The following VPS41 variants were observed in gnomAD, a reference collection of about 807,000 sequenced individuals.
VPS41 encodes VPS41 subunit of HOPS complex.
Under a neutral mutation model 130.9 loss-of-function variants are expected in VPS41, and 85 were observed. That is an observed-to-expected ratio of 0.65 (90% CI 0.55 to 0.78). The LOEUF is 0.78. Among genes scored for constraint, VPS41 ranks in the 30% least tolerant of loss-of-function variants. The pLI is 0.00. For missense variants in VPS41, 874 were observed against 1,018.7 expected (o/e 0.86, Z 1.93); for synonymous variants, 335 against 332.9 (o/e 1.01, Z -0.07).
At chr7:38,871,693 C>T (rs1384583753) in intron 2 of VPS41, among the ~76,000 whole-genome samples, 1 of 152,110 alleles carries the variant, frequency 6.6e-6, no homozygotes, top group Non-Finnish European at 1.5e-5. Context: ...ACAACAGAAG[C>T]CTATTCTAAA....
intron 5 of VPS41, among the ~76,000 whole-genome samples, chr7:38,825,116 G>A (rs754748930): frequency 1.4e-4 from 21 of 152,228 alleles, no homozygotes; most frequent in East Asian, 1.2e-3. Flanking sequence ...TTAAGAATTC[G>A]CCAGAAGCAA....
intron 13 of VPS41, 26 bp from the exon 14 acceptor site, chr7:38,771,280 T>TAA (rs11431870): frequency 0.021 from 26,602 of 1,287,646 alleles, 74 homozygotes; most frequent in African/African-American, 0.049. Context: ...AAGGATGATT[T>TAA]AAAAAAAAAA....
chr7:38,760,265 C>T (rs2214666), intron 17 of VPS41, among the ~76,000 whole-genome samples: 35,541 of 152,034 alleles, frequency 0.23, 4,811 homozygotes, highest in East Asian at 0.43. Context: ...AAAACATCCA[C>T]GTTATTAAAT....
At chr7:38,758,591 A>C in intron 17 of VPS41, 110 bp from the exon 18 acceptor site, 16 of 1,091,452 alleles carry the variant, frequency 1.5e-5, no homozygotes, top group Middle Eastern at 2.3e-4. Context: ...TATAACTCTC[A>C]AAATCCTTAG....
At chr7:38,805,555 G>C (rs533731340) in intron 7 of VPS41, among the ~76,000 whole-genome samples, 2 of 136,482 alleles carry the variant, frequency 1.5e-5, no homozygotes, top group Non-Finnish European at 3.1e-5. Flanking sequence ...CAAAAACAAA[G>C]TAAAGCCCAA....
intron 1 of VPS41, 45 bp from the exon 2 acceptor site, chr7:38,898,174 G>C (rs533311203): frequency 6.5e-7 from 1 of 1,549,718 alleles, no homozygotes; most frequent in Non-Finnish European, 8.9e-7. Context: ...GATGATAAAA[G>C]AATAATCATT....
intron 3 of VPS41, among the ~76,000 whole-genome samples, chr7:38,867,976 T>G (rs1056112537): frequency 3.3e-5 from 5 of 152,140 alleles, no homozygotes; most frequent in African/African-American, 1.2e-4. Context: ...GGATTAGAGA[T>G]CAGGACTCCA....
In VPS41 at chr7:38,870,400, T is replaced by C. The variant is rs3801122; in HGVS notation, c.61-1147A>G. 1.9e-4 allele frequency among the ~76,000 whole-genome samples: 29 copies of C among 152,270 alleles called. No individual in the cohort carries two copies. In the East Asian group the frequency reaches 4.8e-3, roughly 25 times the overall value. ...TCGGGAAATTGGATCCTGGTGAATA[T>C]CACAGTCTTAGTTGGAACCCCTGGT... On this transcript the variant is annotated intron_variant, in intron 2 of 28. Coordinates refer to ENST00000310301, the MANE Select transcript of VPS41 (RefSeq NM_014396.4).
At chr7:38,815,462 G>A (rs1326950810) in intron 7 of VPS41, among the ~76,000 whole-genome samples, 1 of 152,270 alleles carries the variant, frequency 6.6e-6, no homozygotes, top group South Asian at 2.1e-4. Flanking sequence ...TTCTTACTGA[G>A]TTTTTAATAA....
chr7:38,815,725 G>C (rs1349327207), intron 7 of VPS41, among the ~76,000 whole-genome samples: 1 of 152,140 alleles, frequency 6.6e-6, no homozygotes, highest in Non-Finnish European at 1.5e-5. Context: ...GCAGGCAGAA[G>C]AACGTGAAAA....
chr7:38,855,793 A>C (rs1785969036), intron 4 of VPS41, among the ~76,000 whole-genome samples: 1 of 152,226 alleles, frequency 6.6e-6, no homozygotes, highest in African/African-American at 2.4e-5. Flanking sequence ...ACCCATAGCA[A>C]CTAGAAAATG....
intron 2 of VPS41, among the ~76,000 whole-genome samples, chr7:38,891,821 A>G (rs1022394824): frequency 6.6e-6 from 1 of 152,136 alleles, no homozygotes; most frequent in Non-Finnish European, 1.5e-5. Flanking sequence ...TCATTTCTGG[A>G]TATTTAGCCT....
At chr7:38,891,060 C>T (rs950756412) in intron 2 of VPS41, among the ~76,000 whole-genome samples, 2 of 152,034 alleles carry the variant, frequency 1.3e-5, no homozygotes, top group African/African-American at 4.8e-5. Flanking sequence ...ACAATTTTGG[C>T]TTTATATTAA....
At chr7:38,833,847 T>C (rs928345853) in intron 4 of VPS41, among the ~76,000 whole-genome samples, 1 of 152,030 alleles carries the variant, frequency 6.6e-6, no homozygotes, top group Non-Finnish European at 1.5e-5. Context: ...AGGATAACCT[T>C]ATAATAATAA....
At chr7:38,807,790 A>G (rs1784869407) in intron 7 of VPS41, among the ~76,000 whole-genome samples, 1 of 152,194 alleles carries the variant, frequency 6.6e-6, no homozygotes, top group South Asian at 2.1e-4. Flanking sequence ...GAGAAAGAGA[A>G]CCTCTGTGTT....
intron 15 of VPS41, 59 bp from the exon 16 acceptor site, chr7:38,765,720 A>C: frequency 9.1e-7 from 1 of 1,098,008 alleles, no homozygotes; most frequent in Non-Finnish European, 1.3e-6. Context: ...CAAAAAACAA[A>C]CAGAGACAGA....
intron 4 of VPS41, among the ~76,000 whole-genome samples, chr7:38,854,866 CA>C (rs1158384117): frequency 6.9e-6 from 1 of 144,908 alleles, no homozygotes; most frequent in African/African-American, 2.6e-5. Flanking sequence ...AAAAAAAAAG[CA>C]AAGTGGAGGT....
intron 7 of VPS41, among the ~76,000 whole-genome samples, chr7:38,802,401 A>G (rs972871970): frequency 6.6e-6 from 1 of 152,004 alleles, no homozygotes; most frequent in Non-Finnish European, 1.5e-5. Context: ...TCATGAGTCC[A>G]CTTTTCCTAT....
intron 10 of VPS41, among the ~76,000 whole-genome samples, chr7:38,787,272 C>G (rs564652137): frequency 3.3e-5 from 5 of 152,142 alleles, no homozygotes; most frequent in African/African-American, 1.2e-4. Context: ...TTTCATTTCC[C>G]AACATCATGA....
Sources: allele counts gnomAD v4.1 joint callset (sites outside exome capture counted in the v4.1 genomes callset), GRCh38; gene constraint gnomAD v4.1.1; transcripts MANE v1.5; gene names NCBI Gene and HGNC (gene_info 2026-07-23, HGNC 2026-07-21).